The following PTPRD variants were observed in gnomAD, a reference collection of about 807,000 sequenced individuals.
PTPRD encodes the protein protein tyrosine phosphatase receptor type D.
PTPRD carries 34 observed loss-of-function variants against 214.5 expected under a neutral mutation model. That is an observed-to-expected ratio of 0.16 (90% confidence interval 0.12 to 0.21). The LOEUF (loss-of-function observed/expected upper bound fraction) is 0.21. Ranked by LOEUF, PTPRD falls within the 10% of genes least tolerant of loss-of-function variation. The pLI is 1.00. For missense variants in PTPRD, 2,545 were observed against 2,398.7 expected, an observed-to-expected ratio of 1.06 and a Z score of -1.27; for synonymous variants, 1,128 against 845.7, an observed-to-expected ratio of 1.33 and a Z score of -5.79.
chr9:8,528,179 T>A (rs2074704101), intron 15 of PTPRD: 1 of 383,314 alleles, frequency 2.6e-6, no homozygotes, highest in Admixed American at 4.4e-5. Flanking sequence ...AACATTTTAT[T>A]TTTTAATGGA....
At chr9:9,785,885 A>C (rs1279317018) in intron 5 of PTPRD, among the ~76,000 whole-genome samples, 1 of 152,132 alleles carries the variant, frequency 6.6e-6, no homozygotes. Context: ...TAATTATTCA[A>C]AAAAAATTCA....
intron 9 of PTPRD, among the ~76,000 whole-genome samples, chr9:9,339,167 A>G (rs533019843): frequency 6.6e-6 from 1 of 152,204 alleles, no homozygotes; most frequent in South Asian, 2.1e-4. Context: ...TCATGTTAAT[A>G]GAGGAAGCAT....
chr9:10,382,780 G>C (rs1045869140), intron 2 of PTPRD, among the ~76,000 whole-genome samples: 2 of 151,814 alleles, frequency 1.3e-5, no homozygotes, highest in Admixed American at 6.6e-5. Flanking sequence ...AAATATAACG[G>C]CATTTGTCAA....
At chr9:8,426,352 C>T (rs946534764) in intron 35 of PTPRD, among the ~76,000 whole-genome samples, 6 of 152,198 alleles carry the variant, frequency 3.9e-5, no homozygotes, top group Non-Finnish European at 7.3e-5. Flanking sequence ...CTTCAAGGCC[C>T]TCCCCAGCAT....
chr9:10,174,668 A>C (rs1358889), intron 3 of PTPRD, among the ~76,000 whole-genome samples: 34,791 of 151,576 alleles, frequency 0.23, 4,019 homozygotes, highest in Middle Eastern at 0.31. Flanking sequence ...GTATTTCCCC[A>C]AAAAAAGTGA....
At chr9:10,267,401 A>C (rs1351643448) in intron 3 of PTPRD, among the ~76,000 whole-genome samples, 2 of 152,080 alleles carry the variant, frequency 1.3e-5, no homozygotes, top group African/African-American at 4.8e-5. Flanking sequence ...AGCAATGAAA[A>C]AAATGTACGT....
intron 14 of PTPRD, among the ~76,000 whole-genome samples, chr9:8,553,715 T>C (rs952189834): frequency 5.9e-5 from 9 of 152,200 alleles, no homozygotes; most frequent in Non-Finnish European, 1.0e-4. Context: ...TCTCTTTTTC[T>C]AACCATAAAG....
rs753625198 is a variant in PTPRD, at chr9:8,341,907, G to A, written c.4733C>T (p.Thr1578Ile). The A allele has an allele frequency of 6.2e-7, 1 of 1,613,106 alleles. No homozygotes were observed. The highest frequency in any genetic ancestry group is 2.2e-5 in the East Asian group (1 of 44,830). ...AMLERIKHEK[T>I]VDIYGHVTLM... ...AGTTACATGGCCATAAATATCTACA[G>A]TTTTTTCATGCTTTATTCTTTCTAA... is the stretch of plus-strand genomic sequence containing the variant. Residue 1578 changes from threonine to isoleucine, a missense_variant, in exon 40 of 46, where the codon ACT (threonine) becomes ATT (isoleucine). Coordinates refer to ENST00000381196, the MANE Select transcript of PTPRD (RefSeq NM_002839.4).
intron 9 of PTPRD, among the ~76,000 whole-genome samples, chr9:9,315,846 T>A: frequency 6.7e-6 from 1 of 149,012 alleles, no homozygotes. Context: ...TTTTTTTTTT[T>A]TTTTTTTTTT....
chr9:9,496,534 C>T (rs755624575), intron 8 of PTPRD, among the ~76,000 whole-genome samples: 2 of 152,036 alleles, frequency 1.3e-5, no homozygotes, highest in Non-Finnish European at 2.9e-5. Context: ...TGGTAACACA[C>T]CCATAAGGAT....
chr9:8,805,641 T>C (rs1039403024), intron 11 of PTPRD, among the ~76,000 whole-genome samples: 1 of 151,716 alleles, frequency 6.6e-6, no homozygotes, highest in East Asian at 2.0e-4. Flanking sequence ...TCACTCTTGT[T>C]GCCCAGGCTG....
chr9:10,595,979 C>G (rs2076543451), intron 2 of PTPRD, among the ~76,000 whole-genome samples: 1 of 151,790 alleles, frequency 6.6e-6, no homozygotes, highest in Non-Finnish European at 1.5e-5. Context: ...TAGTGCATTT[C>G]TTTAAAAAAT....
At chr9:9,990,529 C>G (rs547748471) in intron 4 of PTPRD, among the ~76,000 whole-genome samples, 1 of 152,324 alleles carries the variant, frequency 6.6e-6, no homozygotes, top group African/African-American at 2.4e-5. Flanking sequence ...AGTGGCCAAG[C>G]AGAGCGGAAG....
At chr9:9,598,483 A>C (rs2093526245) in intron 7 of PTPRD, among the ~76,000 whole-genome samples, 1 of 151,996 alleles carries the variant, frequency 6.6e-6, no homozygotes, top group South Asian at 2.1e-4. Flanking sequence ...ACTTTTAATA[A>C]AATAATTTAA....
chr9:8,800,800 A>G (rs1600217353), intron 11 of PTPRD, among the ~76,000 whole-genome samples: 3 of 152,140 alleles, frequency 2.0e-5, no homozygotes, highest in African/African-American at 2.4e-5. Flanking sequence ...AGATCCAAGA[A>G]CCCTCTCATG....
intron 10 of PTPRD, among the ~76,000 whole-genome samples, chr9:9,162,322 C>G (rs938640580): frequency 1.6e-4 from 25 of 152,110 alleles, no homozygotes; most frequent in African/African-American, 6.0e-4. Flanking sequence ...ACTTAATTCC[C>G]ATTCCTGACA....
At position 9,213,308 on chromosome 9, in the gene PTPRD, C is replaced by T. The variant is rs770370627; in HGVS notation, c.-202-29945G>A. ...GGAGTGTTGGGGGACTTTGAGAAGA[C>T]TTGTGGTTTGGGGACAACAGGAAAG... is the stretch of plus-strand genomic sequence containing the variant. On this transcript the variant is annotated intron_variant, in intron 9 of 45. Coordinates refer to ENST00000381196, the MANE Select transcript of PTPRD (RefSeq NM_002839.4). 3.9e-5 allele frequency among the ~76,000 whole-genome samples: 6 copies of T among 152,034 alleles called. No individual in the cohort carries two copies. In the East Asian group the frequency reaches 1.2e-3, roughly 29 times the overall value.
intron 2 of PTPRD, among the ~76,000 whole-genome samples, chr9:10,504,888 C>T (rs1246598819): frequency 6.6e-6 from 1 of 152,158 alleles, no homozygotes; most frequent in Non-Finnish European, 1.5e-5. Context: ...GTGCACCTGT[C>T]TGTTAATGTT....
chr9:10,437,395 G>C (rs1465650003), intron 2 of PTPRD, among the ~76,000 whole-genome samples: 1 of 151,786 alleles, frequency 6.6e-6, no homozygotes, highest in African/African-American at 2.4e-5. Context: ...GGTGTTGCCA[G>C]TTAAATATGA....
Sources: allele counts gnomAD v4.1 joint callset (sites outside exome capture counted in the v4.1 genomes callset), GRCh38; gene constraint gnomAD v4.1.1; transcripts MANE v1.5; gene names NCBI Gene and HGNC (gene_info 2026-07-23, HGNC 2026-07-21).